The following SESN3 variants were observed in gnomAD, a reference collection of about 807,000 sequenced individuals.
SESN3 encodes the protein sestrin-3.
Under a neutral mutation model 55.3 loss-of-function variants are expected in SESN3, and 21 were observed. That is an observed-to-expected ratio of 0.38 (90% CI 0.27 to 0.55). The LOEUF (loss-of-function observed/expected upper bound fraction) is 0.55, where lower values mean the gene tolerates loss of function less well. Among genes scored for constraint, SESN3 ranks in the 20% least tolerant of loss-of-function variants. The pLI, the probability that SESN3 is intolerant of heterozygous loss-of-function variation, is 0.76. For missense variants in SESN3, 408 were observed against 604.3 expected, an observed-to-expected ratio of 0.68 and a Z score of 3.41; for synonymous variants, 181 against 203.1, an observed-to-expected ratio of 0.89 and a Z score of 0.93.
chr11:95,198,721 T>A (rs1350704328), intron 1 of SESN3, among the ~76,000 whole-genome samples: 4 of 152,206 alleles, frequency 2.6e-5, no homozygotes. Flanking sequence ...AATTTAGAGT[T>A]CAATTGTACT....
intron 6 of SESN3, among the ~76,000 whole-genome samples, chr11:95,183,601 G>C (rs1860095402): frequency 6.7e-6 from 1 of 149,070 alleles, no homozygotes. Context: ...AGAACCGCTT[G>C]AACCTAGGAG....
intron 4 of SESN3, among the ~76,000 whole-genome samples, chr11:95,189,278 T>C (rs772106543): frequency 1.2e-4 from 18 of 151,976 alleles, no homozygotes; most frequent in East Asian, 5.8e-4. Flanking sequence ...GTCTAAGCTC[T>C]AGTTTTAAAA....
chr11:95,180,135 G>A (rs1860033286), intron 6 of SESN3, among the ~76,000 whole-genome samples: 2 of 152,068 alleles, frequency 1.3e-5, no homozygotes, highest in Middle Eastern at 3.4e-3. Flanking sequence ...TCCCTGAAAG[G>A]AACAATATTT....
At position 95,231,032 on chromosome 11, in the gene SESN3, G is replaced by A. The variant is rs945732510; in HGVS notation, c.-172C>T. ...TGCCTGAAAGCTAGCGGCACTGCCAGAGGCGACCACCGCGGCAGCTGCCCC... is the reference window on the plus strand; with the variant it reads ...TGCCTGAAAGCTAGCGGCACTGCCAAAGGCGACCACCGCGGCAGCTGCCCC... On this transcript the variant is annotated 5_prime_UTR_variant, in exon 1 of 10. Coordinates refer to ENST00000536441, the MANE Select transcript of SESN3 (RefSeq NM_144665.4). 2.4e-6 allele frequency: 1 copy of A among 422,854 alleles called. No homozygotes were observed. Among genetic ancestry groups the A allele is most frequent in the African/African-American group, 2.1e-5 (1 of 48,566 alleles). The allele number at this position is 422,854 out of a possible 1,614,324, so 26.2% of individuals were successfully genotyped here.
rs375839799 is a variant in SESN3 at position 95,173,131 on chromosome 11, AC to A, written c.*123del. 7.9e-5 allele frequency: 43 copies of A among 546,078 alleles called. No homozygotes were observed. The highest frequency in any genetic ancestry group is 4.8e-4 in the South Asian group (13 of 27,364). 33.8% of individuals were successfully genotyped at this position (546,078 alleles called of 1,614,324 possible). ...AGCCGCAAAAAACAAAAAAAAAAAA[AC>A]AAACGGCTAAACTTTGACACTAGAG... On this transcript the variant is annotated 3_prime_UTR_variant, in exon 10 of 10. Transcript: ENST00000536441.
chr11:95,179,851 A>AT (rs1428871659), intron 6 of SESN3, among the ~76,000 whole-genome samples: 3 of 152,216 alleles, frequency 2.0e-5, no homozygotes, highest in Non-Finnish European at 2.9e-5. Context: ...CCAAAGTGGC[A>AT]TTCAGGAAGA....
At chr11:95,173,446 C>T in intron 9 of SESN3, 105 bp from the exon 10 acceptor site, 1 of 548,706 alleles carries the variant, frequency 1.8e-6, no homozygotes, top group Non-Finnish European at 3.4e-6. Context: ...AATATACACA[C>T]ACACACACAC....
chr11:95,172,912 G>A lies in SESN3; in HGVS notation c.*343C>T, dbSNP rs561614296. On this transcript the variant is annotated 3_prime_UTR_variant, in exon 10 of 10. Coordinates refer to ENST00000536441, the MANE Select transcript of SESN3 (RefSeq NM_144665.4). The stretch of plus-strand genomic sequence containing the variant: ...ATTCTTAAAAAAAAAAGGGCGGGGT[G>A]GGGGGAGAAAAAATACACATACACA... The A allele has an allele frequency of 1.0e-5, 2 of 199,848 alleles. No individual in the cohort carries two copies. Among genetic ancestry groups the A allele is most frequent in the African/African-American group, 4.6e-5 (2 of 43,316 alleles). The allele number at this position is 199,848 out of a possible 1,614,324, so 12.4% of individuals were successfully genotyped here.
intron 1 of SESN3, among the ~76,000 whole-genome samples, 163 bp from the exon 2 acceptor site, chr11:95,193,685 C>T (rs1860308998): frequency 6.6e-6 from 1 of 151,940 alleles, no homozygotes; most frequent in African/African-American, 2.4e-5. Context: ...CCCATAGGGC[C>T]ACTGTATGGA....
chr11:95,201,127 T>C lies in SESN3; in HGVS notation c.79-7605A>G, dbSNP rs76894910. On this transcript the variant is annotated intron_variant, in intron 1 of 9. Coordinates refer to ENST00000536441, the MANE Select transcript of SESN3 (RefSeq NM_144665.4). Reference sequence around the variant, plus strand: ...TTCTAAGAAATAATATGAGATATTATGATTAAGTAACTTTCATAAAAAAAA... The same window carrying C: ...TTCTAAGAAATAATATGAGATATTACGATTAAGTAACTTTCATAAAAAAAA... 221 of 152,170 alleles carry C rather than the reference T, an allele frequency of 1.5e-3. No individual in the cohort carries two copies. The East Asian group carries it at 0.04, about 28-fold the overall frequency. 9.4% of individuals were successfully genotyped at this position (152,170 alleles called of 1,614,324 possible).
At position 95,185,319 on chromosome 11, in the gene SESN3, G is replaced by A. The variant is rs770437275; in HGVS notation, c.699C>T (p.Cys233=). The A allele has an allele frequency of 5.6e-6, 9 of 1,612,528 alleles. No homozygotes were observed. The highest frequency in any genetic ancestry group is 3.3e-5 in the Admixed American group (2 of 59,880). Residue 233 remains cysteine (C), a synonymous_variant, in exon 5 of 10, where the codon TGC becomes TGT. Transcript: ENST00000536441. ...GFRLISVNNF[C]VCDLANDNNI... ...TGTTGTCATTAGCAAGATCACAAAC[G>A]CAGAAATTGTTGACTGATATTAGCC...
At position 95,172,661 on chromosome 11, in the gene SESN3, C is replaced by G. The variant is rs1407657404; in HGVS notation, c.*594G>C. The G allele has an allele frequency of 6.6e-6, 1 of 152,036 alleles. No individual in the cohort carries two copies. The highest frequency in any genetic ancestry group is 6.5e-5 in the Admixed American group (1 of 15,268). 9.4% of individuals were successfully genotyped at this position (152,036 alleles called of 1,614,324 possible). A position where few individuals can be genotyped will look rare whatever the true frequency, so the allele number is the denominator to read the frequency against. On this transcript the variant is annotated 3_prime_UTR_variant, in exon 10 of 10. Transcript: ENST00000536441. The stretch of plus-strand genomic sequence containing the variant: ...CATGTTATCGCCAATAGCAGTAAAA[C>G]AACAATAAATGAACAAACAAACAAA...
At chr11:95,181,548 T>G (rs2134223095) in intron 6 of SESN3, among the ~76,000 whole-genome samples, 1 of 152,268 alleles carries the variant, frequency 6.6e-6, no homozygotes, top group South Asian at 2.1e-4. Context: ...ATCTGCATTA[T>G]TCTGCCCCTA....
intron 1 of SESN3, chr11:95,224,628 T>C (rs1738086955): frequency 3.9e-6 from 1 of 255,904 alleles, no homozygotes; most frequent in African/African-American, 2.3e-5. Flanking sequence ...ACTAATATCA[T>C]ACTTGATCTC....
At chr11:95,180,414 T>C (rs1860038271) in intron 6 of SESN3, among the ~76,000 whole-genome samples, 1 of 152,194 alleles carries the variant, frequency 6.6e-6, no homozygotes, top group Non-Finnish European at 1.5e-5. Context: ...TGCTGTGGAC[T>C]AACTGGGTGC....
intron 6 of SESN3, among the ~76,000 whole-genome samples, chr11:95,181,265 T>G (rs1191478678): frequency 6.6e-6 from 1 of 152,054 alleles, no homozygotes; most frequent in Non-Finnish European, 1.5e-5. Context: ...CAGTAAAAAG[T>G]AAGTAGTCAG....
intron 7 of SESN3, 38 bp downstream of exon 7, chr11:95,178,672 G>A: frequency 8.3e-7 from 1 of 1,198,180 alleles, no homozygotes; most frequent in Non-Finnish European, 1.2e-6. Flanking sequence ...TAAAATGACA[G>A]TATGTTCTAG....
In SESN3 at chr11:95,173,327, T is replaced by C. The variant is rs753007459; in HGVS notation, c.1407A>G (p.Leu469=). The change falls in exon 10 of 10, where the codon CTA becomes CTG. Residue 469 remains leucine (L), a synonymous_variant. Coordinates refer to ENST00000536441, the MANE Select transcript of SESN3 (RefSeq NM_144665.4). ...CTTGCATTCGTGCTTCCATTAAAAG[T>C]AGATTGACATGAACCTAGAAGTGAA... The part of the protein sequence containing the change: ...FKHSEKVHVN[L]LLMEARMQAE... The C allele has an allele frequency of 2.5e-6, 4 of 1,594,366 alleles. No individual in the cohort carries two copies. The African/African-American group carries it at 5.4e-5, about 21-fold the overall frequency.
At chr11:95,224,065 G>T (rs1184512844) in intron 1 of SESN3, among the ~76,000 whole-genome samples, 1 of 152,088 alleles carries the variant, frequency 6.6e-6, no homozygotes, top group Non-Finnish European at 1.5e-5. Flanking sequence ...TCTCTTTAAT[G>T]TCTATTTAAT....
Sources: allele counts gnomAD v4.1 joint callset (sites outside exome capture counted in the v4.1 genomes callset), GRCh38; gene constraint gnomAD v4.1.1; transcripts MANE v1.5; gene names NCBI Gene and HGNC (gene_info 2026-07-23, HGNC 2026-07-21).